KLK6: variants seen among roughly 807,000 people sequenced by gnomAD.
KLK6 encodes the protein kallikrein related peptidase 6.
Under a neutral mutation model 21.7 loss-of-function variants are expected in KLK6, and 16 were observed. The ratio of observed to expected loss-of-function variants is 0.74; its 90% CI spans 0.50 to 1.12. The LOEUF is 1.12. Among genes scored for constraint, KLK6 ranks in the 50% most tolerant of loss-of-function variants. KLK6 has a pLI of 0.00. For missense variants in KLK6, 276 were observed against 304.6 expected (o/e 0.91, Z 0.70); for synonymous variants, 116 against 120.1 (o/e 0.97, Z 0.22).
At chr19:50,968,278 A>G (rs1443420154) in intron 2 of KLK6, 166 bp from the exon 3 acceptor site, 16 of 682,068 alleles carry the variant, frequency 2.3e-5, no homozygotes, top group South Asian at 3.3e-5. Flanking sequence ...CTCAGCCCAC[A>G]TCTTCCATCA....
chr19:50,963,184 G>T, intron 5 of KLK6, 118 bp downstream of exon 5: 1 of 1,382,130 alleles, frequency 7.2e-7, no homozygotes, highest in Non-Finnish European at 9.9e-7. Context: ...CTGTCCCATT[G>T]GTCCTCACCA....
chr19:50,959,090 A>C lies in KLK6; in HGVS notation c.*74T>G. 1 of 1,542,250 alleles carries C rather than the reference A, an allele frequency of 6.5e-7. No homozygotes were observed. Among genetic ancestry groups the C allele is most frequent in the Non-Finnish European group, 8.9e-7 (1 of 1,119,028 alleles). ...AGCTGGGCAGGAGAGGAGGGGAGGC[A>C]AGGTCTAGGTGAGAGACGTTCTGGA... is the stretch of plus-strand genomic sequence containing the variant. On this transcript the variant is annotated 3_prime_UTR_variant, in exon 7 of 7. Transcript: ENST00000310157.
In KLK6 at chr19:50,959,324, A is replaced by G. The variant is rs1419216736; in HGVS notation, c.583-8T>C. 1 of 1,612,360 alleles carries G rather than the reference A, an allele frequency of 6.2e-7. No individual in the cohort carries two copies. The highest frequency in any genetic ancestry group is 8.5e-7 in the Non-Finnish European group (1 of 1,179,382). On this transcript the variant is annotated splice_region_variant and splice_polypyrimidine_tract_variant and intron_variant, in intron 6 of 6. Coordinates refer to ENST00000310157, the MANE Select transcript of KLK6 (RefSeq NM_002774.4). ...CGGACCCCCAGAATCACCCTGCAGG[A>G]AAGAGGGAGAAAGTCAGATACAGAT...
chr19:50,962,360 C>T (rs1468680066), intron 5 of KLK6: 1 of 154,382 alleles, frequency 6.5e-6, no homozygotes, highest in Non-Finnish European at 1.4e-5. Flanking sequence ...CCTAACTGGC[C>T]ATGCCCTCTC....
chr19:50,960,695 C>A (rs1271042626), intron 6 of KLK6, among the ~76,000 whole-genome samples: 7 of 152,084 alleles, frequency 4.6e-5, no homozygotes, highest in Admixed American at 2.0e-4. Flanking sequence ...TGGGTTTAAG[C>A]AATTCTCCAG....
chr19:50,962,849 T>G (rs990252883), intron 5 of KLK6: 2 of 178,092 alleles, frequency 1.1e-5, no homozygotes, highest in Admixed American at 5.4e-5. Flanking sequence ...TAGTCCCTCT[T>G]CCATCAGCTA....
Position 50,963,435 on chromosome 19 carries a change from G to A in KLK6, c.312C>T (p.Asp104=), listed in dbSNP as rs749688710. ...IHPDYDAASH[D]QDIMLLRLAR... is the part of the protein sequence containing the mutation. The stretch of plus-strand genomic sequence containing the variant: ...CCAGGCGCAACAGCATGATGTCCTG[G>A]TCATGGCTGGCGGCATCATAGTCAG... The change falls in exon 5 of 7, where the codon GAC becomes GAT. Residue 104 remains aspartate (D), a synonymous_variant. Transcript: ENST00000310157. 2 of 1,614,216 alleles carry A rather than the reference G, an allele frequency of 1.2e-6. No individual in the cohort carries two copies. Among genetic ancestry groups the A allele is most frequent in the Non-Finnish European group, 1.7e-6 (2 of 1,180,038 alleles).
chr19:50,959,098 G>A lies in KLK6; in HGVS notation c.*66C>T. 1 of 1,580,042 alleles carries A rather than the reference G, an allele frequency of 6.3e-7. No homozygotes were observed. The highest frequency in any genetic ancestry group is 1.1e-5 in the South Asian group (1 of 89,620). On this transcript the variant is annotated 3_prime_UTR_variant, in exon 7 of 7. Coordinates refer to ENST00000310157, the MANE Select transcript of KLK6 (RefSeq NM_002774.4). The stretch of plus-strand genomic sequence containing the variant: ...AGGAGAGGAGGGGAGGCAAGGTCTA[G>A]GTGAGAGACGTTCTGGAACCAGCCA...
rs955008787 is a variant in KLK6, at chr19:50,958,638, A to C, written c.*526T>G. On this transcript the variant is annotated 3_prime_UTR_variant, in exon 7 of 7. Transcript: ENST00000310157. ...CAAAGCAAAAAGCCCCACTCATAATAAAATTCATTCTTTATTGAGTGCATG... is the reference window on the plus strand; with the variant it reads ...CAAAGCAAAAAGCCCCACTCATAATCAAATTCATTCTTTATTGAGTGCATG... The C allele has an allele frequency of 1.3e-5, 2 of 153,108 alleles. No individual in the cohort carries two copies. The highest frequency in any genetic ancestry group is 4.8e-5 in the African/African-American group (2 of 41,470). 9.5% of individuals were successfully genotyped at this position (153,108 alleles called of 1,614,324 possible). A position where few individuals can be genotyped will look rare whatever the true frequency, so the allele number is the denominator to read the frequency against.
chr19:50,967,939 C>T, intron 3 of KLK6, 126 bp downstream of exon 3: 1 of 707,460 alleles, frequency 1.4e-6, no homozygotes, highest in Non-Finnish European at 2.5e-6. Context: ...TCCCCAACGT[C>T]TTCCTCATTT....
chr19:50,967,039 C>G (rs759356465), intron 4 of KLK6, 130 bp downstream of exon 4: 2 of 939,076 alleles, frequency 2.1e-6, no homozygotes, highest in Non-Finnish European at 3.3e-6. Context: ...AAGCAACAGC[C>G]GAATGCACCT....
intron 4 of KLK6, among the ~76,000 whole-genome samples, chr19:50,965,505 C>T (rs986851792): frequency 3.4e-5 from 5 of 146,574 alleles, no homozygotes; most frequent in Admixed American, 2.1e-4. Flanking sequence ...AAGCTGGTCT[C>T]GAACTCAGGT....
At chr19:50,964,782 G>A (rs1337933716) in intron 4 of KLK6, among the ~76,000 whole-genome samples, 1 of 152,198 alleles carries the variant, frequency 6.6e-6, no homozygotes, top group Non-Finnish European at 1.5e-5. Flanking sequence ...AATAAAGCCT[G>A]GGCTCCTCCA....
At chr19:50,962,068 C>G in intron 5 of KLK6, 188 bp from the exon 6 acceptor site, 1 of 558,812 alleles carries the variant, frequency 1.8e-6, no homozygotes, top group Non-Finnish European at 3.0e-6. Context: ...ATTGGTCCCT[C>G]TTTCTATCAT....
chr19:50,961,885 T>C lies in KLK6; in HGVS notation c.446-5A>G. 6.2e-7 allele frequency: 1 copy of C among 1,612,798 alleles called. No homozygotes were observed. Among genetic ancestry groups the C allele is most frequent in the Non-Finnish European group, 8.5e-7 (1 of 1,179,282 alleles). ...GGATGGTGTCAGGGAAATCACCTGT[T>C]AGGGGAGAGATGGGCCAGACTCAGC... On this transcript the variant is annotated splice_region_variant and splice_polypyrimidine_tract_variant and intron_variant, in intron 5 of 6. Transcript: ENST00000310157.
Position 50,967,146 on chromosome 19 carries a change from G to A in KLK6, c.197+23C>T, listed in dbSNP as rs778156119. The A allele has an allele frequency of 1.9e-6, 3 of 1,613,694 alleles. No individual in the cohort carries two copies. In the Admixed American group the frequency reaches 5.0e-5, roughly 27 times the overall value. The stretch of plus-strand genomic sequence containing the variant: ...CCCTCAGGGTTCAGTCGCATCTGCT[G>A]TTCATTTACAGTGTAGACTCACGGT... On this transcript the variant is annotated intron_variant, in intron 4 of 6. Transcript: ENST00000310157.
At chr19:50,965,529 C>T (rs1316591624) in intron 4 of KLK6, among the ~76,000 whole-genome samples, 1 of 152,130 alleles carries the variant, frequency 6.6e-6, no homozygotes, top group Non-Finnish European at 1.5e-5. Flanking sequence ...CCACCCACCT[C>T]GGCCTCCCAA....
At chr19:50,962,488 A>G (rs2090859397) in intron 5 of KLK6, 1 of 151,458 alleles carries the variant, frequency 6.6e-6, no homozygotes, top group South Asian at 2.1e-4. Flanking sequence ...CCCTTCCTCC[A>G]ATGGTCTACC....
rs537409878 is a variant in KLK6 at position 50,959,284 on chromosome 19, G to A, written c.615C>T (p.Asp205=). 17 of 1,613,890 alleles carry A rather than the reference G, an allele frequency of 1.1e-5. No homozygotes were observed. The East Asian group carries it at 3.1e-4, about 30-fold the overall frequency. The change falls in exon 7 of 7, where the codon GAC becomes GAT. Residue 205 remains aspartate, a synonymous_variant. Transcript: ENST00000310157. The part of the protein sequence containing the change: ...GDSGGPLVCG[D]HLRGLVSWGN... ...CCCATGACACAAGGCCTCGGAGGTG[G>A]TCTCCACATACCAGCGGACCCCCAG...
Sources: allele counts gnomAD v4.1 joint callset (sites outside exome capture counted in the v4.1 genomes callset), GRCh38; gene constraint gnomAD v4.1.1; transcripts MANE v1.5; gene names NCBI Gene and HGNC (gene_info 2026-07-23, HGNC 2026-07-21).